The following LINS1 variants were observed in gnomAD, a reference collection of about 807,000 sequenced individuals.
LINS1 encodes the protein protein Lines homolog 1.
In LINS1, 27 loss-of-function variants were observed where a neutral mutation model predicts 41.6. The ratio of observed to expected loss-of-function variants is 0.65; its 90% confidence interval spans 0.48 to 0.89. The LOEUF is 0.89. Among genes scored for constraint, LINS1 ranks in the 40% least tolerant of loss-of-function variants. LINS1 has a pLI of 0.00. For missense variants in LINS1, 955 were observed against 884.1 expected (o/e 1.08, Z -1.02); for synonymous variants, 336 against 312.9 (o/e 1.07, Z -0.78).
intron 1 of LINS1, among the ~76,000 whole-genome samples, chr15:100,592,620 T>C (rs1567099552): frequency 6.6e-6 from 1 of 152,334 alleles, no homozygotes; most frequent in East Asian, 1.9e-4. Context: ...TTACCTTTAG[T>C]GCTCTGAAGC....
At chr15:100,574,308 C>A in intron 4 of LINS1, 67 bp from the exon 5 acceptor site, 1 of 1,046,320 alleles carries the variant, frequency 9.6e-7, no homozygotes, top group Non-Finnish European at 1.5e-6. Flanking sequence ...TTACAATTCA[C>A]TTTTTATAAA....
chr15:100,601,185 ATCTG>A (rs1417274239), intron 1 of LINS1, among the ~76,000 whole-genome samples: 4 of 152,188 alleles, frequency 2.6e-5, no homozygotes, highest in African/African-American at 4.8e-5. Context: ...GACCTTTCCT[ATCTG>A]TCTTAGTCCG....
At chr15:100,579,655 G>C (rs1339186173) in intron 3 of LINS1, among the ~76,000 whole-genome samples, 2 of 151,520 alleles carry the variant, frequency 1.3e-5, no homozygotes, top group African/African-American at 4.9e-5. Flanking sequence ...AAAGTCAGTA[G>C]ATATTTCATT....
chr15:100,578,175 G>A (rs1377345494), intron 3 of LINS1, among the ~76,000 whole-genome samples: 1 of 152,018 alleles, frequency 6.6e-6, no homozygotes, highest in Non-Finnish European at 1.5e-5. Context: ...TAGAGAAATG[G>A]GATCTAATTA....
intron 4 of LINS1, among the ~76,000 whole-genome samples, chr15:100,574,741 A>G (rs569114924): frequency 6.6e-5 from 10 of 152,272 alleles, no homozygotes; most frequent in African/African-American, 2.4e-4. Flanking sequence ...AAAAATATTC[A>G]TTTTACGAAT....
intron 1 of LINS1, among the ~76,000 whole-genome samples, chr15:100,588,029 A>C (rs1602912): frequency 0.97 from 147,264 of 152,320 alleles, 71,527 homozygotes; most frequent in Non-Finnish European, 1. Flanking sequence ...TTTGTGCCAA[A>C]TGGTTAAATG....
In LINS1 at chr15:100,580,491, C is replaced by A; in HGVS notation, c.352G>T (p.Asp118Tyr). The change falls in exon 2 of 7, where the codon GAT becomes TAT. Residue 118 changes from aspartate to tyrosine, a missense_variant. By Grantham distance (160) the Asp-to-Tyr change is radical (BLOSUM62 -3). Coordinates refer to ENST00000314742, the MANE Select transcript of LINS1 (RefSeq NM_001040616.3). ...GATTCTAAGAGAATTTTAATTACAT[C>A]TCTGTACTGCTCCTTTGCATGGAAC... Reference protein sequence around the residue: ...TEFHAKEQYRDVIKILLESAK... With the variant: ...TEFHAKEQYRYVIKILLESAK... 1.2e-6 allele frequency: 2 copies of A among 1,614,008 alleles called. No homozygotes were observed. Among genetic ancestry groups the A allele is most frequent in the Non-Finnish European group, 1.7e-6 (2 of 1,179,950 alleles).
intron 1 of LINS1, among the ~76,000 whole-genome samples, chr15:100,585,244 C>T (rs1460316833): frequency 6.6e-6 from 1 of 152,208 alleles, no homozygotes; most frequent in Non-Finnish European, 1.5e-5. Flanking sequence ...ATCCTCTGGA[C>T]CTCAGTCTCT....
chr15:100,578,821 T>G (rs1281960097), intron 3 of LINS1, among the ~76,000 whole-genome samples: 1 of 152,110 alleles, frequency 6.6e-6, no homozygotes, highest in Admixed American at 6.5e-5. Context: ...GTGGCACATA[T>G]ACACCATGGA....
intron 4 of LINS1, 29 bp downstream of exon 4, chr15:100,574,958 G>A: frequency 6.2e-7 from 1 of 1,607,764 alleles, no homozygotes; most frequent in Non-Finnish European, 8.5e-7. Context: ...GCAAGATGAT[G>A]ATTGTTTATG....
At chr15:100,598,505 G>A (rs951791318) in intron 1 of LINS1, among the ~76,000 whole-genome samples, 2 of 152,146 alleles carry the variant, frequency 1.3e-5, no homozygotes, top group Admixed American at 6.5e-5. Flanking sequence ...ATCTGACAAC[G>A]TACTTGACAG....
chr15:100,575,594 T>A (rs1240014290), intron 3 of LINS1, among the ~76,000 whole-genome samples: 1 of 152,164 alleles, frequency 6.6e-6, no homozygotes, highest in Non-Finnish European at 1.5e-5. Flanking sequence ...AACACCCCAC[T>A]GTCAACATTA....
chr15:100,569,870 T>G lies in LINS1; in HGVS notation c.1642A>C (p.Thr548Pro), dbSNP rs769884641. The G allele has an allele frequency of 6.2e-7, 1 of 1,614,042 alleles. No individual in the cohort carries two copies. The highest frequency in any genetic ancestry group is 8.5e-7 in the Non-Finnish European group (1 of 1,179,892). ...ATACTTATGTCATATTTAGATTCAGTTGCATCAAAGTTATTGCAAATGGTG... is the reference window on the plus strand; with the variant it reads ...ATACTTATGTCATATTTAGATTCAGGTGCATCAAAGTTATTGCAAATGGTG... ...FFTICNNFDA[T>P]ESKYDISICG... The change falls in exon 7 of 7, where the codon ACT (threonine) becomes CCT (proline). Residue 548 changes from threonine (T) to proline (P), a missense_variant. Physicochemically the swap from Thr to Pro is conservative, Grantham distance 38. Coordinates refer to ENST00000314742, the MANE Select transcript of LINS1 (RefSeq NM_001040616.3).
intron 1 of LINS1, among the ~76,000 whole-genome samples, chr15:100,593,559 T>TGG (rs34763783): frequency 2.6e-5 from 3 of 113,314 alleles, no homozygotes; most frequent in African/African-American, 9.0e-5. Flanking sequence ...TACAACTTTA[T>TGG]GGGGGGGGGG....
chr15:100,578,361 A>G (rs2038317682), intron 3 of LINS1, among the ~76,000 whole-genome samples: 2 of 152,140 alleles, frequency 1.3e-5, no homozygotes, highest in African/African-American at 4.8e-5. Flanking sequence ...AAAAGTGGGC[A>G]AAGGATATGA....
rs2038511783 is a variant in LINS1, at chr15:100,580,907, G to A, written c.-65C>T. On this transcript the variant is annotated 5_prime_UTR_variant, in exon 2 of 7. Transcript: ENST00000314742. ...TCCAAGTTGTAAACATTAAATCTCA[G>A]AAGTGCAATGAATCTCTAAGAAGTT... is the stretch of plus-strand genomic sequence containing the variant. 7.1e-7 allele frequency: 1 copy of A among 1,412,816 alleles called. No homozygotes were observed. The highest frequency in any genetic ancestry group is 2.4e-5 in the East Asian group (1 of 42,504). The allele number at this position is 1,412,816 out of a possible 1,614,324, so 87.5% of individuals were successfully genotyped here. A position where few individuals can be genotyped will look rare whatever the true frequency, so the allele number is the denominator to read the frequency against.
chr15:100,581,292 A>T (rs1221206434), intron 1 of LINS1, among the ~76,000 whole-genome samples: 1 of 152,136 alleles, frequency 6.6e-6, no homozygotes, highest in Non-Finnish European at 1.5e-5. Context: ...GTATTATAAG[A>T]TGTTTGGCAG....
Position 100,595,552 on chromosome 15 carries a change from A to G in LINS1, c.-104+6569T>C, listed in dbSNP as rs570177181. ...TGCTGAGAAACTAGATCTCTCCTAC[A>G]CTGCTGGTGAGAATGAAAAACGGCA... On this transcript the variant is annotated intron_variant, in intron 1 of 6. Coordinates refer to ENST00000314742, the MANE Select transcript of LINS1 (RefSeq NM_001040616.3). 9.2e-4 allele frequency among the ~76,000 whole-genome samples: 140 copies of G among 152,334 alleles called. 1 individual carries two copies. The highest frequency in any genetic ancestry group is 3.3e-3 in the African/African-American group (136 of 41,570).
chr15:100,597,266 C>CTTT (rs377527268), intron 1 of LINS1, among the ~76,000 whole-genome samples: 146 of 142,996 alleles, frequency 1.0e-3, no homozygotes, highest in Non-Finnish European at 9.6e-4. Context: ...AAAGGCAAAT[C>CTTT]TTTTTTTTTT....
Sources: allele counts gnomAD v4.1 joint callset (sites outside exome capture counted in the v4.1 genomes callset), GRCh38; gene constraint gnomAD v4.1.1; transcripts MANE v1.5; gene names NCBI Gene and HGNC (gene_info 2026-07-23, HGNC 2026-07-21).